Variants in AGAP1 observed in about 807,000 individuals in gnomAD.
AGAP1 encodes the protein ArfGAP with GTPase domain, ankyrin repeat and PH domain 1.
Under a neutral mutation model 105.3 loss-of-function variants are expected in AGAP1, and 29 were observed. That is an observed-to-expected ratio of 0.28 (90% confidence interval 0.21 to 0.38). AGAP1 has a LOEUF of 0.38. AGAP1 is among the 10% of genes least tolerant of loss of function. The pLI, the probability that AGAP1 is intolerant of heterozygous loss-of-function variation, is 1.00. For missense variants in AGAP1, 998 were observed against 1,165.1 expected (o/e 0.86, Z 2.09); for synonymous variants, 509 against 485.9 (o/e 1.05, Z -0.63).
chr2:235,605,015 G>A (rs1348763765), intron 1 of AGAP1, among the ~76,000 whole-genome samples: 2 of 151,820 alleles, frequency 1.3e-5, no homozygotes, highest in Non-Finnish European at 2.9e-5. Context: ...CAAGTAGCTG[G>A]CCACAGGCGT....
At chr2:236,065,088 A>G (rs2058310141) in intron 16 of AGAP1, among the ~76,000 whole-genome samples, 1 of 152,252 alleles carries the variant, frequency 6.6e-6, no homozygotes, top group South Asian at 2.1e-4. Flanking sequence ...GAGGTGAGGC[A>G]GATACAGACA....
At chr2:235,671,382 C>G (rs115299749) in intron 1 of AGAP1, among the ~76,000 whole-genome samples, 115 of 152,320 alleles carry the variant, frequency 7.5e-4, no homozygotes, top group African/African-American at 2.7e-3. Context: ...GGGCCCTGAG[C>G]TGGCTGCCCG....
rs1948789395 is a variant in AGAP1, at chr2:235,677,227, A to G, written c.164-31952A>G. ...TTTCTTACCATCTTTTATTGTGTTC[A>G]TTTTCCTAGTTGATTTTTAATGGTG... On this transcript the variant is annotated intron_variant, in intron 1 of 17. Transcript: ENST00000304032. 2.0e-5 allele frequency among the ~76,000 whole-genome samples: 3 copies of G among 151,920 alleles called. No individual in the cohort carries two copies. The South Asian group carries it at 6.2e-4, about 32-fold the overall frequency.
chr2:235,948,954 G>A (rs948660383), intron 12 of AGAP1, among the ~76,000 whole-genome samples: 8 of 152,180 alleles, frequency 5.3e-5, no homozygotes, highest in Admixed American at 3.9e-4. Context: ...ATTTACAAAC[G>A]CAGTGTCCAC....
In AGAP1 at chr2:235,550,709, G is replaced by A. The variant is rs1180838965; in HGVS notation, c.163+55860G>A. Among the ~76,000 whole-genome samples the A allele has an allele frequency of 1.3e-5, 2 of 152,192 alleles. No individual in the cohort carries two copies. Among genetic ancestry groups the A allele is most frequent in the Non-Finnish European group, 2.9e-5 (2 of 68,030 alleles). ...CGGGCATGATGCGGAATGTAGTGAC[G>A]ATCGCAAATCCTTCCTGTGGCCAAA... On this transcript the variant is annotated intron_variant, in intron 1 of 17. Transcript: ENST00000304032. The surrounding 1 kb of genome is among the most constrained non-coding windows in gnomAD (Gnocchi z 4.6).
intron 16 of AGAP1, among the ~76,000 whole-genome samples, chr2:236,118,835 C>CT (rs988472127): frequency 5.3e-5 from 8 of 151,484 alleles, no homozygotes; most frequent in African/African-American, 1.5e-4. Context: ...ACCACCCTAC[C>CT]TTTTTTTTTC....
At chr2:235,910,286 G>GGCAGTCACTGAGCTGGTTCCTTCCCAC (rs2051537777) in intron 11 of AGAP1, among the ~76,000 whole-genome samples, 1 of 7,686 alleles carries the variant, frequency 1.3e-4, no homozygotes, top group Non-Finnish European at 2.2e-4. Context: ...TGCCTGTGTT[G>GGCAGTCACTGAGCTGGTTCCTTCCCAC]CAGGGGGGCG....
At chr2:235,670,230 C>G in intron 1 of AGAP1, 2 of 568,284 alleles carry the variant, frequency 3.5e-6, no homozygotes, top group Non-Finnish European at 3.2e-6. Flanking sequence ...CTGGCCGCGC[C>G]GGGCTCCGGC....
chr2:235,800,497 T>G lies in AGAP1; in HGVS notation c.957+975T>G, dbSNP rs143580743. ...AAATGCTGCCAGCCTGTCCCTTCCC[T>G]GTGCATAGCAGACATTACCAATCAA... On this transcript the variant is annotated intron_variant, in intron 8 of 17. Transcript: ENST00000304032. Among the ~76,000 whole-genome samples, 318 of 152,298 alleles carry G rather than the reference T, an allele frequency of 2.1e-3. 3 individuals are homozygous for G. Among genetic ancestry groups the G allele is most frequent in the African/African-American group, 7.5e-3 (313 of 41,562 alleles).
chr2:235,548,077 C>T (rs1221102463), intron 1 of AGAP1, among the ~76,000 whole-genome samples: 13 of 152,188 alleles, frequency 8.5e-5, no homozygotes, highest in Non-Finnish European at 1.5e-4. Context: ...GCCCCAGGGT[C>T]GTGAGAAATA....
At chr2:236,069,648 GC>G (rs1190310783) in intron 16 of AGAP1, among the ~76,000 whole-genome samples, 1 of 151,276 alleles carries the variant, frequency 6.6e-6, no homozygotes, top group East Asian at 1.9e-4. Context: ...GGTCTTGAAC[GC>G]CTGACCTCAA....
At chr2:235,503,702 C>G (rs1456766387) in intron 1 of AGAP1, among the ~76,000 whole-genome samples, 1 of 152,078 alleles carries the variant, frequency 6.6e-6, no homozygotes, top group Non-Finnish European at 1.5e-5. Context: ...CTCAAGTAAT[C>G]CTCCCACCTC....
intron 6 of AGAP1, among the ~76,000 whole-genome samples, chr2:235,763,084 C>T (rs879816295): frequency 0.24 from 35,105 of 149,278 alleles, 4,779 homozygotes; most frequent in Admixed American, 0.39. Flanking sequence ...GTGCACCTGC[C>T]GTGTTTGAAA....
intron 8 of AGAP1, among the ~76,000 whole-genome samples, chr2:235,800,214 T>G (rs1957429950): frequency 6.6e-6 from 1 of 151,658 alleles, no homozygotes; most frequent in African/African-American, 2.4e-5. Flanking sequence ...TCCTCCCACT[T>G]CAGCCTTCTA....
chr2:236,007,188 T>G (rs1274608925), intron 13 of AGAP1, among the ~76,000 whole-genome samples: 1 of 152,250 alleles, frequency 6.6e-6, no homozygotes, highest in Admixed American at 6.5e-5. Flanking sequence ...ATAAATGCCA[T>G]GTATCTTATG....
Position 235,936,177 on chromosome 2 carries a change from G to T in AGAP1, c.1483+5254G>T, listed in dbSNP as rs1285189203. Among the ~76,000 whole-genome samples the T allele has an allele frequency of 6.6e-6, 1 of 152,146 alleles. No homozygotes were observed. Among genetic ancestry groups the T allele is most frequent in the South Asian group, 2.1e-4 (1 of 4,828 alleles). On this transcript the variant is annotated intron_variant, in intron 12 of 17. Coordinates refer to ENST00000304032, the MANE Select transcript of AGAP1 (RefSeq NM_001037131.3). The surrounding 1 kb of genome is among the most constrained non-coding windows in gnomAD (Gnocchi z 4.7). The stretch of plus-strand genomic sequence containing the variant: ...CACTGTTAATACTGCATTTCTTCAC[G>T]TGACTCTTCCATGTGGCTCTTGAGC...
intron 14 of AGAP1, among the ~76,000 whole-genome samples, chr2:236,039,177 G>A (rs780937799): frequency 2.6e-5 from 4 of 152,192 alleles, no homozygotes; most frequent in Non-Finnish European, 5.9e-5. Context: ...AGACACGATG[G>A]TTCACGCCTG....
intron 1 of AGAP1, among the ~76,000 whole-genome samples, chr2:235,696,987 A>G: frequency 6.6e-6 from 1 of 150,400 alleles, no homozygotes; most frequent in East Asian, 1.9e-4. Context: ...CTCGATCTCA[A>G]AAAAAAAAAG....
At chr2:235,868,107 C>T (rs1346353363) in intron 9 of AGAP1, among the ~76,000 whole-genome samples, 2 of 151,944 alleles carry the variant, frequency 1.3e-5, no homozygotes, top group African/African-American at 2.4e-5. Context: ...AGAACCTGTT[C>T]CAAAGTGTAA....
Sources: gnomAD v4.1 joint callset for allele counts (sites outside exome capture counted in the v4.1 genomes callset) on GRCh38, gnomAD v4.1.1 for gene constraint, Gnocchi (gnomAD v3.1) non-coding constraint, MANE v1.5 for transcripts, NCBI Gene and HGNC (gene_info 2026-07-23, HGNC 2026-07-21) for gene names.